The following RAPGEF5 variants were observed in gnomAD, a reference collection of about 807,000 sequenced individuals.
The protein encoded by RAPGEF5 is Rap guanine nucleotide exchange factor 5.
In RAPGEF5, 65 loss-of-function variants were observed where a neutral mutation model predicts 125.2. The ratio of observed to expected loss-of-function variants is 0.52; its 90% CI spans 0.43 to 0.64. The LOEUF (loss-of-function observed/expected upper bound fraction) is 0.64. Among genes scored for constraint, RAPGEF5 ranks in the 30% least tolerant of loss-of-function variants. RAPGEF5 has a pLI of 0.00. For missense variants in RAPGEF5, 958 were observed against 1,048.1 expected, an observed-to-expected ratio of 0.91 and a Z score of 1.19; for synonymous variants, 391 against 385.9, an observed-to-expected ratio of 1.01 and a Z score of -0.16.
chr7:22,349,501 G>A (rs1361103440), intron 1 of RAPGEF5, among the ~76,000 whole-genome samples: 1 of 149,854 alleles, frequency 6.7e-6, no homozygotes, highest in Non-Finnish European at 1.5e-5. Flanking sequence ...AGCTTCAAGA[G>A]AATAATTTAA....
Position 22,131,071 on chromosome 7 carries a change from G to T in RAPGEF5, c.2447C>A (p.Thr816Asn). ...DVTFIHEGNK[T>N]FLDNLVNFEK... is the part of the protein sequence containing the mutation. The stretch of plus-strand genomic sequence containing the variant: ...AAAATTGACAAGATTATCCAAAAAA[G>T]TTTTATTTCCTTCATGAATAAATGT... Residue 816 changes from threonine to asparagine, a missense_variant, in exon 24 of 26, where the codon ACT becomes AAT. Coordinates refer to ENST00000665637, the MANE Select transcript of RAPGEF5 (RefSeq NM_012294.5). 1 of 1,534,996 alleles carries T rather than the reference G, an allele frequency of 6.5e-7. No individual in the cohort carries two copies. The highest frequency in any genetic ancestry group is 8.8e-7 in the Non-Finnish European group (1 of 1,140,652).
At position 22,199,388 on chromosome 7, in the gene RAPGEF5, G is replaced by A. The variant is rs540368672; in HGVS notation, c.997-5355C>T. 2.6e-5 allele frequency among the ~76,000 whole-genome samples: 4 copies of A among 152,260 alleles called. No individual in the cohort carries two copies. In the East Asian group the frequency reaches 5.8e-4, roughly 22 times the overall value. ...CTATGTCTATGCAACTTGGAACACA[G>A]AGACATGCAGGTTAAGGCTGGTGGA... On this transcript the variant is annotated intron_variant, in intron 9 of 25. Coordinates refer to ENST00000665637, the MANE Select transcript of RAPGEF5 (RefSeq NM_012294.5).
intron 7 of RAPGEF5, among the ~76,000 whole-genome samples, chr7:22,239,965 T>C (rs1017160642): frequency 6.6e-6 from 1 of 152,002 alleles, no homozygotes; most frequent in African/African-American, 2.4e-5. Context: ...TCCCAGCACT[T>C]TGGGAGGCCG....
At chr7:22,233,791 AGTGTCAGTCCT>A (rs1261739540) in intron 7 of RAPGEF5, among the ~76,000 whole-genome samples, 2 of 152,222 alleles carry the variant, frequency 1.3e-5, no homozygotes, top group Non-Finnish European at 2.9e-5. Context: ...CCTAGGATAA[AGTGTCAGTCCT>A]GTATTTATTT....
At chr7:22,142,453 T>C (rs982026713) in intron 20 of RAPGEF5, among the ~76,000 whole-genome samples, 3 of 152,204 alleles carry the variant, frequency 2.0e-5, no homozygotes, top group African/African-American at 7.2e-5. Context: ...CTTTTTATCT[T>C]TTAGCTCCTC....
chr7:22,319,533 C>G (rs1317613575), intron 1 of RAPGEF5, among the ~76,000 whole-genome samples: 1 of 152,122 alleles, frequency 6.6e-6, no homozygotes, highest in African/African-American at 2.4e-5. Context: ...GTAGAGAGCC[C>G]ATTTTTAATT....
At chr7:22,127,941 T>A (rs1409329452) in intron 24 of RAPGEF5, among the ~76,000 whole-genome samples, 1 of 152,238 alleles carries the variant, frequency 6.6e-6, no homozygotes, top group Non-Finnish European at 1.5e-5. Context: ...TAGCTCAAGC[T>A]GCATTTGTAA....
intron 11 of RAPGEF5, among the ~76,000 whole-genome samples, chr7:22,175,623 C>T (rs1266414515): frequency 2.0e-5 from 3 of 152,152 alleles, no homozygotes; most frequent in East Asian, 3.8e-4. Flanking sequence ...TCGGACCTCT[C>T]GGAGTTGCTG....
At chr7:22,260,659 A>G (rs561148341) in intron 7 of RAPGEF5, among the ~76,000 whole-genome samples, 1 of 152,246 alleles carries the variant, frequency 6.6e-6, no homozygotes, top group Admixed American at 6.5e-5. Context: ...ATATTCATTG[A>G]TAGAAACACA....
Position 22,357,133 on chromosome 7 carries a change from C to G in RAPGEF5, c.-73G>C, listed in dbSNP as rs1562545608. The stretch of plus-strand genomic sequence containing the variant: ...CTCCGCGCGCCGTCCGCGCCTTCGC[C>G]AGGAAGCGAGAGGGCGCGACTGCGG... On this transcript the variant is annotated 5_prime_UTR_variant, in exon 1 of 26. Coordinates refer to ENST00000665637, the MANE Select transcript of RAPGEF5 (RefSeq NM_012294.5). 2.3e-6 allele frequency: 2 copies of G among 862,984 alleles called. No homozygotes were observed. Among genetic ancestry groups the G allele is most frequent in the Non-Finnish European group, 2.8e-6 (2 of 713,284 alleles). The allele number at this position is 862,984 out of a possible 1,614,324, so 53.5% of individuals were successfully genotyped here.
intron 9 of RAPGEF5, among the ~76,000 whole-genome samples, chr7:22,213,189 G>A (rs990782879): frequency 3.3e-5 from 5 of 152,174 alleles, no homozygotes; most frequent in African/African-American, 1.2e-4. Flanking sequence ...TGGGCTTCTT[G>A]TGAAAACCTA....
At chr7:22,346,288 T>C (rs1003393544) in intron 1 of RAPGEF5, among the ~76,000 whole-genome samples, 1 of 152,176 alleles carries the variant, frequency 6.6e-6, no homozygotes, top group Non-Finnish European at 1.5e-5. Context: ...TAAAAAATGT[T>C]CTCTTACACC....
intron 7 of RAPGEF5, among the ~76,000 whole-genome samples, chr7:22,259,304 A>G: frequency 6.6e-6 from 1 of 152,224 alleles, no homozygotes; most frequent in Non-Finnish European, 1.5e-5. Context: ...ATCACTACAC[A>G]TCTATTAAAA....
chr7:22,316,683 G>C (rs1783607618), intron 2 of RAPGEF5, among the ~76,000 whole-genome samples: 1 of 149,504 alleles, frequency 6.7e-6, no homozygotes, highest in South Asian at 2.1e-4. Flanking sequence ...TTTTTTTGTA[G>C]AGACAGGTCT....
intron 7 of RAPGEF5, among the ~76,000 whole-genome samples, chr7:22,266,444 A>G (rs1195720232): frequency 1.3e-5 from 2 of 152,130 alleles, no homozygotes; most frequent in Non-Finnish European, 2.9e-5. Context: ...TCCACATGTT[A>G]CTTCCACAGA....
At chr7:22,260,701 T>G (rs975872518) in intron 7 of RAPGEF5, among the ~76,000 whole-genome samples, 1 of 152,128 alleles carries the variant, frequency 6.6e-6, no homozygotes, top group Non-Finnish European at 1.5e-5. Flanking sequence ...TATATAATAA[T>G]CTATAAGGTA....
chr7:22,346,440 T>A (rs1784226268), intron 1 of RAPGEF5, among the ~76,000 whole-genome samples: 1 of 151,208 alleles, frequency 6.6e-6, no homozygotes, highest in Non-Finnish European at 1.5e-5. Context: ...CAGCACAATA[T>A]AATGAGTCAA....
intron 3 of RAPGEF5, among the ~76,000 whole-genome samples, chr7:22,313,341 T>C (rs1415745361): frequency 1.3e-5 from 2 of 152,212 alleles, no homozygotes; most frequent in Admixed American, 6.5e-5. Flanking sequence ...ATAAAGTGAA[T>C]AGAAAGCATT....
In RAPGEF5 at chr7:22,120,283, C is replaced by T. The variant is rs1266101708; in HGVS notation, c.*2123G>A. The T allele has an allele frequency of 1.3e-5, 2 of 152,214 alleles. No individual in the cohort carries two copies. The highest frequency in any genetic ancestry group is 4.8e-5 in the African/African-American group (2 of 41,442). 9.4% of individuals were successfully genotyped at this position (152,214 alleles called of 1,614,324 possible). A position where few individuals can be genotyped will look rare whatever the true frequency, so the allele number is the denominator to read the frequency against. ...CTGTACAAAATGCATTTAAATACCACATTTGTGTAGCTTCATCTGGCTTGG... is the reference window on the plus strand; with the variant it reads ...CTGTACAAAATGCATTTAAATACCATATTTGTGTAGCTTCATCTGGCTTGG... On this transcript the variant is annotated 3_prime_UTR_variant, in exon 26 of 26. Transcript: ENST00000665637. The surrounding 1 kb of genome is among the most constrained non-coding windows in gnomAD (Gnocchi z 4.0).
Sources: allele counts gnomAD v4.1 joint callset (sites outside exome capture counted in the v4.1 genomes callset), GRCh38; gene constraint gnomAD v4.1.1; non-coding constraint Gnocchi (gnomAD v3.1); transcripts MANE v1.5; gene names NCBI Gene and HGNC (gene_info 2026-07-23, HGNC 2026-07-21).